LGR4: variants seen among roughly 807,000 people sequenced by gnomAD.
LGR4 encodes leucine rich repeat containing G protein-coupled receptor 4.
In LGR4, 44 loss-of-function variants were observed where a neutral mutation model predicts 84.8. The observed-to-expected ratio is 0.52, with a 90% CI of 0.41 to 0.67. LGR4 has a LOEUF of 0.67. LGR4 is among the 30% of genes least tolerant of loss of function. The pLI is 0.00. For missense variants in LGR4, 1,032 were observed against 1,131.4 expected (o/e 0.91, Z 1.26); for synonymous variants, 429 against 434.3 (o/e 0.99, Z 0.15).
intron 1 of LGR4, among the ~76,000 whole-genome samples, chr11:27,456,699 C>CA (rs1854337919): frequency 6.6e-6 from 1 of 151,786 alleles, no homozygotes; most frequent in Admixed American, 6.6e-5. Flanking sequence ...CAGACACACA[C>CA]AAAAAAACAC....
intron 14 of LGR4, 119 bp from the exon 15 acceptor site, chr11:27,373,795 A>C: frequency 9.3e-7 from 1 of 1,073,376 alleles, no homozygotes; most frequent in Non-Finnish European, 1.3e-6. Flanking sequence ...TGGGGGTGCT[A>C]AAATTATAGT....
intron 1 of LGR4, among the ~76,000 whole-genome samples, chr11:27,431,005 C>T (rs1202187319): frequency 6.6e-6 from 1 of 151,942 alleles, no homozygotes; most frequent in African/African-American, 2.4e-5. Context: ...CTCCTTCTTA[C>T]CTCCTGGTTT....
chr11:27,401,881 C>T (rs1863510808), intron 2 of LGR4, among the ~76,000 whole-genome samples: 1 of 152,178 alleles, frequency 6.6e-6, no homozygotes, highest in South Asian at 2.1e-4. Flanking sequence ...TACACACTGA[C>T]ACACTTGAAG....
intron 2 of LGR4, among the ~76,000 whole-genome samples, chr11:27,410,057 G>A (rs971967201): frequency 6.6e-6 from 1 of 152,140 alleles, no homozygotes; most frequent in Non-Finnish European, 1.5e-5. Flanking sequence ...ATATGAGCAC[G>A]TGAAATGTGG....
chr11:27,423,452 A>T (rs1454460168), intron 1 of LGR4, among the ~76,000 whole-genome samples: 1 of 150,966 alleles, frequency 6.6e-6, no homozygotes, highest in East Asian at 1.9e-4. Flanking sequence ...CCCCACACAC[A>T]CTCTCTCTCC....
intron 1 of LGR4, among the ~76,000 whole-genome samples, chr11:27,452,228 A>T (rs1864493175): frequency 1.3e-5 from 2 of 152,212 alleles, no homozygotes; most frequent in South Asian, 4.1e-4. Context: ...AGGACTCTCA[A>T]CAGATCTGGT....
At position 27,385,248 on chromosome 11, in the gene LGR4, CT is replaced by C; in HGVS notation, c.617+4del. On this transcript the variant is annotated splice_donor_region_variant and intron_variant, in intron 5 of 17. Coordinates refer to ENST00000379214, the MANE Select transcript of LGR4 (RefSeq NM_018490.5). ...TATATGGAATTAAAAGGGATAGATA[CT>C]TACAGAACTACCAGGCTTGAAAGGT... is the stretch of plus-strand genomic sequence containing the variant. 1.3e-6 allele frequency: 2 copies of C among 1,532,524 alleles called. No individual in the cohort carries two copies. The highest frequency in any genetic ancestry group is 4.6e-5 in the East Asian group (2 of 43,166). 94.9% of individuals were successfully genotyped at this position (1,532,524 alleles called of 1,614,324 possible). A position where few individuals can be genotyped will look rare whatever the true frequency, so the allele number is the denominator to read the frequency against.
intron 1 of LGR4, among the ~76,000 whole-genome samples, chr11:27,464,945 AG>A (rs1261758877): frequency 6.6e-6 from 1 of 152,206 alleles, no homozygotes; most frequent in Non-Finnish European, 1.5e-5. Context: ...AACCAGCTAA[AG>A]GGGTTTACGC....
At chr11:27,397,134 T>C (rs1381376423) in intron 2 of LGR4, among the ~76,000 whole-genome samples, 1 of 152,138 alleles carries the variant, frequency 6.6e-6, no homozygotes, top group African/African-American at 2.4e-5. Context: ...CGTTATTACA[T>C]CCAAACACAC....
In LGR4 at chr11:27,405,877, T is replaced by C. The variant is rs1227454810; in HGVS notation, c.257+6912A>G. Among the ~76,000 whole-genome samples the C allele has an allele frequency of 2.0e-5, 3 of 152,140 alleles. No individual in the cohort carries two copies. The East Asian group carries it at 5.8e-4, about 29-fold the overall frequency. On this transcript the variant is annotated intron_variant, in intron 2 of 17. Coordinates refer to ENST00000379214, the MANE Select transcript of LGR4 (RefSeq NM_018490.5). The stretch of plus-strand genomic sequence containing the variant: ...TGAACTCTCTCAATTTCAAACTCTC[T>C]GCTATGAGACTACATTTATTGAAGG...
chr11:27,388,997 A>G (rs919950788), intron 4 of LGR4, among the ~76,000 whole-genome samples: 5 of 152,294 alleles, frequency 3.3e-5, no homozygotes, highest in African/African-American at 9.6e-5. Flanking sequence ...CAGATTTTAT[A>G]GTCATTATCA....
chr11:27,406,374 GC>G (rs1457966185), intron 2 of LGR4, among the ~76,000 whole-genome samples: 1 of 152,066 alleles, frequency 6.6e-6, no homozygotes, highest in Non-Finnish European at 1.5e-5. Context: ...ATCTACAGGG[GC>G]ATAGGCAGAT....
intron 1 of LGR4, among the ~76,000 whole-genome samples, chr11:27,466,458 T>C (rs1250550007): frequency 6.6e-6 from 1 of 152,054 alleles, no homozygotes; most frequent in African/African-American, 2.4e-5. Flanking sequence ...GAAACCAAAA[T>C]CCAAACTTGC....
chr11:27,409,137 T>C (rs1053396379), intron 2 of LGR4, among the ~76,000 whole-genome samples: 1 of 152,110 alleles, frequency 6.6e-6, no homozygotes, highest in South Asian at 2.1e-4. Flanking sequence ...AACAATAGTA[T>C]CTAAAGTACA....
chr11:27,392,647 A>T, intron 2 of LGR4, 129 bp from the exon 3 acceptor site: 3 of 731,958 alleles, frequency 4.1e-6, no homozygotes, highest in Non-Finnish European at 6.5e-6. Flanking sequence ...CTGACATTAA[A>T]CGTGGACTTA....
chr11:27,438,495 C>T (rs1864248971), intron 1 of LGR4, among the ~76,000 whole-genome samples: 1 of 152,056 alleles, frequency 6.6e-6, no homozygotes, highest in Non-Finnish European at 1.5e-5. Flanking sequence ...AAGACAGACC[C>T]TATGATGGTT....
chr11:27,452,834 T>C (rs897657551), intron 1 of LGR4, among the ~76,000 whole-genome samples: 3 of 150,534 alleles, frequency 2.0e-5, no homozygotes, highest in Admixed American at 1.3e-4. Context: ...GGTGTTTCAC[T>C]GTTGAACTTG....
chr11:27,386,087 C>G (rs1158117957), intron 4 of LGR4, among the ~76,000 whole-genome samples: 1 of 152,102 alleles, frequency 6.6e-6, no homozygotes, highest in Non-Finnish European at 1.5e-5. Context: ...TTTGAAAAAT[C>G]AGTATACCAA....
chr11:27,370,174 A>G (rs1459550797), intron 17 of LGR4, among the ~76,000 whole-genome samples: 2 of 152,274 alleles, frequency 1.3e-5, no homozygotes, highest in Admixed American at 6.5e-5. Flanking sequence ...TGAAAATGAC[A>G]TATCCAATAA....
Sources: allele counts gnomAD v4.1 joint callset (sites outside exome capture counted in the v4.1 genomes callset), GRCh38; gene constraint gnomAD v4.1.1; transcripts MANE v1.5; gene names NCBI Gene and HGNC (gene_info 2026-07-23, HGNC 2026-07-21).